The following FBXO24 variants were observed in gnomAD, a reference collection of about 807,000 sequenced individuals.
The protein encoded by FBXO24 is F-box protein 24.
Under a neutral mutation model 63.5 loss-of-function variants are expected in FBXO24, and 30 were observed. That is an observed-to-expected ratio of 0.47 (90% confidence interval 0.35 to 0.64). FBXO24 has a LOEUF of 0.64. FBXO24 is among the 30% of genes least tolerant of loss of function. The pLI is 0.00. For missense variants in FBXO24, 624 were observed against 763.4 expected, an observed-to-expected ratio of 0.82 and a Z score of 2.15; for synonymous variants, 300 against 305.0, an observed-to-expected ratio of 0.98 and a Z score of 0.17.
At chr7:100,587,103 T>A (rs1801795800) in intron 1 of FBXO24, among the ~76,000 whole-genome samples, 1 of 152,136 alleles carries the variant, frequency 6.6e-6, no homozygotes, top group Admixed American at 6.5e-5. Context: ...GTGCTACGAA[T>A]GCAGAAACTG....
At position 100,586,450 on chromosome 7, in the gene FBXO24, T is replaced by C. The variant is rs901257259; in HGVS notation, c.-176T>C. The C allele has an allele frequency of 5.8e-6, 4 of 687,850 alleles. No individual in the cohort carries two copies. The highest frequency in any genetic ancestry group is 1.0e-5 in the Non-Finnish European group (4 of 393,252). 42.6% of individuals were successfully genotyped at this position (687,850 alleles called of 1,614,324 possible). A position where few individuals can be genotyped will look rare whatever the true frequency, so the allele number is the denominator to read the frequency against. Reference sequence around the variant, plus strand: ...AACCAAGAGGAGGGGACACCGGCACTCCACTAGCAGGAAAACGGGCCGAGG... The same window carrying C: ...AACCAAGAGGAGGGGACACCGGCACCCCACTAGCAGGAAAACGGGCCGAGG... On this transcript the variant is annotated 5_prime_UTR_variant, in exon 1 of 10. Coordinates refer to ENST00000241071, the MANE Select transcript of FBXO24 (RefSeq NM_033506.3).
chr7:100,590,369 C>T lies in FBXO24; in HGVS notation c.322+12C>T. 6.3e-7 allele frequency: 1 copy of T among 1,595,006 alleles called. No individual in the cohort carries two copies. The highest frequency in any genetic ancestry group is 1.3e-5 in the African/African-American group (1 of 74,690). On this transcript the variant is annotated intron_variant, in intron 3 of 9. Transcript: ENST00000241071. ...TGCCATTCTGAACTGTACACCTTCC[C>T]CAGAACCTCCCGTTCTCCTTGCCTC...
At chr7:100,595,362 G>A in intron 7 of FBXO24, 139 bp downstream of exon 7, 3 of 1,485,384 alleles carry the variant, frequency 2.0e-6, no homozygotes, top group African/African-American at 2.8e-5. Context: ...GAGATCAGCT[G>A]GGGGCTCGGT....
chr7:100,591,613 A>T (rs1802030454), intron 3 of FBXO24, 54 bp from the exon 4 acceptor site: 1 of 1,549,098 alleles, frequency 6.5e-7, no homozygotes, highest in Admixed American at 1.7e-5. Context: ...GCTCCAACTC[A>T]TCTCCCTCGT....
chr7:100,600,296 A>AG lies in FBXO24; in HGVS notation c.1377+100dup. 7.1e-7 allele frequency: 1 copy of AG among 1,399,740 alleles called. No individual in the cohort carries two copies. Among genetic ancestry groups the AG allele is most frequent in the Non-Finnish European group, 9.5e-7 (1 of 1,052,942 alleles). The allele number at this position is 1,399,740 out of a possible 1,614,324, so 86.7% of individuals were successfully genotyped here. A position where few individuals can be genotyped will look rare whatever the true frequency, so the allele number is the denominator to read the frequency against. ...GTAGCTGGGGCTCCTGCAGGGACCC[A>AG]GGGGGTCCCATTTCCCTAGCACCAC... On this transcript the variant is annotated intron_variant, in intron 9 of 9. Coordinates refer to ENST00000241071, the MANE Select transcript of FBXO24 (RefSeq NM_033506.3). The surrounding 1 kb of genome is among the most constrained non-coding windows in gnomAD (Gnocchi z 6.3).
chr7:100,599,853 G>A (rs991854669), intron 8 of FBXO24, 178 bp from the exon 9 acceptor site: 2 of 650,426 alleles, frequency 3.1e-6, no homozygotes, highest in African/African-American at 1.8e-5. Flanking sequence ...TATGTGACCA[G>A]TTAGAGTATG....
At chr7:100,589,351 G>C (rs892743808) in intron 1 of FBXO24, 1 of 1,090,186 alleles carries the variant, frequency 9.2e-7, no homozygotes, top group African/African-American at 1.6e-5. Context: ...GTGCTAAAAG[G>C]GCCTCAAATA....
rs865798480 is a variant in FBXO24 at position 100,591,807 on chromosome 7, C to T, written c.463C>T (p.Leu155Phe). The change falls in exon 4 of 10, where the codon CTC (leucine) becomes TTC (phenylalanine). Residue 155 changes from leucine to phenylalanine, a missense_variant. By Grantham distance (22) the Leu-to-Phe change is conservative. Coordinates refer to ENST00000241071, the MANE Select transcript of FBXO24 (RefSeq NM_033506.3). ...HVFILDYVGT[L>F]FFLKNALVST... ...CTTCATTCTTGACTACGTGGGGACC[C>T]TCTTCTTCCTCAAAAATGCCCTGGT... The T allele has an allele frequency of 6.2e-7, 1 of 1,614,242 alleles. No homozygotes were observed. The highest frequency in any genetic ancestry group is 8.5e-7 in the Non-Finnish European group (1 of 1,180,040).
chr7:100,589,796 G>A (rs1801913255), intron 1 of FBXO24, 181 bp from the exon 2 acceptor site: 1 of 1,523,542 alleles, frequency 6.6e-7, no homozygotes, highest in Admixed American at 2.1e-5. Context: ...GGCTCCGGGT[G>A]AGGGGGATTG....
chr7:100,595,601 C>A lies in FBXO24; in HGVS notation c.1101C>A (p.Asn367Lys). The A allele has an allele frequency of 6.2e-7, 1 of 1,611,904 alleles. No homozygotes were observed. The highest frequency in any genetic ancestry group is 1.1e-5 in the South Asian group (1 of 90,846). Reference sequence around the variant, plus strand: ...TCCTATTCTGTGCTCTTGGCTACAACCACCTTGGCCTGGTGGATGAATTTG... The same window carrying A: ...TCCTATTCTGTGCTCTTGGCTACAAACACCTTGGCCTGGTGGATGAATTTG... ...AKILFCALGY[N>K]HLGLVDEFGR... is the part of the protein sequence containing the mutation. The change falls in exon 8 of 10, where the codon AAC becomes AAA. Residue 367 changes from asparagine to lysine, a missense_variant. By Grantham distance (94) the Asn-to-Lys change is moderately conservative. Around this residue, in one of 3 missense-constraint regions of FBXO24, gnomAD observed 17 missense variants for 49.0 expected, o/e 0.35. Transcript: ENST00000241071.
At chr7:100,595,514 G>A in intron 7 of FBXO24, 61 bp from the exon 8 acceptor site, 1 of 1,516,546 alleles carries the variant, frequency 6.6e-7, no homozygotes, top group East Asian at 2.3e-5. Context: ...TGGAGACTCT[G>A]GAACTCAGAG....
chr7:100,599,905 A>T, intron 8 of FBXO24, 126 bp from the exon 9 acceptor site: 1 of 1,067,090 alleles, frequency 9.4e-7, no homozygotes, highest in Non-Finnish European at 1.4e-6. Context: ...GGCGTGGGAC[A>T]GTGCTGGCTC....
At chr7:100,587,744 C>T (rs981962974) in intron 1 of FBXO24, among the ~76,000 whole-genome samples, 1 of 151,478 alleles carries the variant, frequency 6.6e-6, no homozygotes, top group African/African-American at 2.4e-5. Flanking sequence ...GGACCACGGG[C>T]GGCACCACTG....
chr7:100,589,241 A>T (rs1007926058), intron 1 of FBXO24, among the ~76,000 whole-genome samples: 14 of 152,124 alleles, frequency 9.2e-5, no homozygotes, highest in African/African-American at 3.4e-4. Flanking sequence ...TGTCAAACTG[A>T]GTTTATAGTT....
At chr7:100,597,757 AGT>A (rs2131276506) in intron 8 of FBXO24, among the ~76,000 whole-genome samples, 1 of 152,058 alleles carries the variant, frequency 6.6e-6, no homozygotes, top group Admixed American at 6.6e-5. Context: ...GCTGGAGTGC[AGT>A]GACACAATCG....
intron 8 of FBXO24, 118 bp downstream of exon 8, chr7:100,595,824 A>T: frequency 7.1e-7 from 1 of 1,407,424 alleles, no homozygotes; most frequent in South Asian, 1.5e-5. Context: ...TGGGAAGTTA[A>T]GCCACTCAGT....
intron 1 of FBXO24, among the ~76,000 whole-genome samples, chr7:100,587,000 C>T (rs1433970999): frequency 6.6e-6 from 1 of 152,190 alleles, no homozygotes; most frequent in African/African-American, 2.4e-5. Context: ...GCCGTCTCAC[C>T]CGAGGAGCTC....
chr7:100,587,895 G>C (rs1297050759), intron 1 of FBXO24, among the ~76,000 whole-genome samples: 2 of 151,772 alleles, frequency 1.3e-5, no homozygotes, highest in East Asian at 3.9e-4. Flanking sequence ...ACCGCACCCG[G>C]CCCACAGTGG....
Position 100,586,496 on chromosome 7 carries a change from T to C in FBXO24, c.-130T>C, listed in dbSNP as rs1246592161. ...CGAGGGACCGCAAGCAGGGGGTGCCTAGTCCTCGTCCCCCAAAGACCAATC... is the reference window on the plus strand; with the variant it reads ...CGAGGGACCGCAAGCAGGGGGTGCCCAGTCCTCGTCCCCCAAAGACCAATC... On this transcript the variant is annotated 5_prime_UTR_variant, in exon 1 of 10. The change abolishes the stop of an existing upstream ORF in the 5' untranslated region. Transcript: ENST00000241071. The C allele has an allele frequency of 1.1e-6, 1 of 945,934 alleles. No individual in the cohort carries two copies. The highest frequency in any genetic ancestry group is 1.6e-5 in the African/African-American group (1 of 61,686). 58.6% of individuals were successfully genotyped at this position (945,934 alleles called of 1,614,324 possible). A position where few individuals can be genotyped will look rare whatever the true frequency, so the allele number is the denominator to read the frequency against.
Sources: gnomAD v4.1 joint callset for allele counts (sites outside exome capture counted in the v4.1 genomes callset) on GRCh38, gnomAD v4.1.1 for gene constraint, gnomAD v4.1.1 regional missense constraint, Gnocchi (gnomAD v3.1) non-coding constraint, MANE v1.5 for transcripts, NCBI Gene and HGNC (gene_info 2026-07-23, HGNC 2026-07-21) for gene names.